PALLD: variants seen among roughly 807,000 people sequenced by gnomAD.
PALLD encodes palladin, cytoskeletal associated protein, also known as palladin.
PALLD carries 61 observed loss-of-function variants against 123.5 expected under a neutral mutation model. The ratio of observed to expected loss-of-function variants is 0.49; its 90% CI spans 0.40 to 0.61. PALLD has a LOEUF of 0.61. PALLD is among the 20% of genes least tolerant of loss of function. PALLD has a pLI of 0.00. For missense variants in PALLD, 1,273 were observed against 1,377.0 expected (o/e 0.92, Z 1.20); for synonymous variants, 465 against 496.4 (o/e 0.94, Z 0.84).
chr4:168,817,616 T>C (rs1263524954), intron 10 of PALLD, among the ~76,000 whole-genome samples: 1 of 152,224 alleles, frequency 6.6e-6, no homozygotes, highest in African/African-American at 2.4e-5. Context: ...TATGGATAAA[T>C]GCTGCTCTTA....
At chr4:168,599,169 G>A (rs1239778521) in intron 2 of PALLD, among the ~76,000 whole-genome samples, 1 of 152,190 alleles carries the variant, frequency 6.6e-6, no homozygotes, top group Non-Finnish European at 1.5e-5. Flanking sequence ...AGAGATGGTA[G>A]TCATAACCAA....
chr4:168,598,736 G>T, intron 2 of PALLD: 1 of 410,406 alleles, frequency 2.4e-6, no homozygotes, highest in South Asian at 1.9e-5. Context: ...ATCTGGACCT[G>T]AGCCTGAAGT....
At chr4:168,677,246 C>T (rs1362583012) in intron 3 of PALLD, among the ~76,000 whole-genome samples, 1 of 150,176 alleles carries the variant, frequency 6.7e-6, no homozygotes, top group Non-Finnish European at 1.5e-5. Flanking sequence ...TGGGAGAGGG[C>T]GGGAGAATCG....
intron 10 of PALLD, among the ~76,000 whole-genome samples, chr4:168,858,317 C>T (rs1326476249): frequency 6.6e-6 from 1 of 152,074 alleles, no homozygotes; most frequent in African/African-American, 2.4e-5. Context: ...ATATTTTTCC[C>T]GGCATCTTGT....
chr4:168,744,910 G>C (rs769211509), intron 10 of PALLD, among the ~76,000 whole-genome samples: 1 of 152,100 alleles, frequency 6.6e-6, no homozygotes, highest in East Asian at 1.9e-4. Context: ...TATGATGTTC[G>C]GTAGGTTAGG....
At chr4:168,665,142 C>G (rs1471686794) in intron 2 of PALLD, among the ~76,000 whole-genome samples, 1 of 152,180 alleles carries the variant, frequency 6.6e-6, no homozygotes, top group African/African-American at 2.4e-5. Context: ...AGGATACAAT[C>G]ATGTTTCTGA....
At chr4:168,880,975 G>A (rs1752530756) in intron 10 of PALLD, among the ~76,000 whole-genome samples, 1 of 151,994 alleles carries the variant, frequency 6.6e-6, no homozygotes, top group African/African-American at 2.4e-5. Context: ...TGGTGCAATT[G>A]CAGCTCACTG....
chr4:168,760,736 A>G (rs1230495250), intron 10 of PALLD, among the ~76,000 whole-genome samples: 1 of 152,234 alleles, frequency 6.6e-6, no homozygotes, highest in Non-Finnish European at 1.5e-5. Flanking sequence ...TTGAATGTCC[A>G]GCTAAGGGAA....
chr4:168,725,007 C>T (rs1786403381), intron 10 of PALLD, among the ~76,000 whole-genome samples: 2 of 152,330 alleles, frequency 1.3e-5, no homozygotes, highest in South Asian at 4.1e-4. Context: ...CTATGCTCTG[C>T]TCCATTTCAC....
chr4:168,875,167 A>ATACTATGGAAATACATACT (rs1751577055), intron 10 of PALLD, among the ~76,000 whole-genome samples: 4 of 152,184 alleles, frequency 2.6e-5, no homozygotes, highest in African/African-American at 7.2e-5. Context: ...TATTTCCAAA[A>ATACTATGGAAATACATACT]AGTTCAGTTT....
intron 2 of PALLD, among the ~76,000 whole-genome samples, chr4:168,564,136 A>G (rs1768129890): frequency 6.6e-6 from 1 of 152,218 alleles, no homozygotes. Context: ...TGACATTATC[A>G]TAGTTCATAG....
At chr4:168,872,277 T>A (rs2151086302) in intron 10 of PALLD, among the ~76,000 whole-genome samples, 1 of 152,338 alleles carries the variant, frequency 6.6e-6, no homozygotes, top group South Asian at 2.1e-4. Flanking sequence ...GCTCTTATTC[T>A]AAGTACAAAG....
intron 11 of PALLD, among the ~76,000 whole-genome samples, chr4:168,893,223 A>T (rs1050553251): frequency 1.3e-5 from 2 of 152,202 alleles, no homozygotes; most frequent in Admixed American, 1.3e-4. Flanking sequence ...TTTTTAAGAG[A>T]TCAGGTATTT....
intron 10 of PALLD, among the ~76,000 whole-genome samples, chr4:168,748,672 TG>T (rs563261416): frequency 7.2e-4 from 110 of 152,174 alleles, no homozygotes; most frequent in Non-Finnish European, 1.3e-3. Context: ...GAGGCTCAAC[TG>T]GGGAAGAATG....
rs141206653 is a variant in PALLD at position 168,602,710 on chromosome 4, A to C, written c.909-65480A>C. ...GTAAGGGACTGTTAGTATCCACAGA[A>C]CTGCAGAAAAACATGGTTCCTGGAG... On this transcript the variant is annotated intron_variant, in intron 2 of 21. Coordinates refer to ENST00000505667, the MANE Select transcript of PALLD (RefSeq NM_001166108.2). Among the ~76,000 whole-genome samples the C allele has an allele frequency of 3.3e-3, 499 of 152,336 alleles. 2 individuals are homozygous for C. The highest frequency in any genetic ancestry group is 0.011 in the African/African-American group (466 of 41,556).
intron 2 of PALLD, among the ~76,000 whole-genome samples, chr4:168,615,116 A>AT (rs1175709370): frequency 2.0e-5 from 3 of 151,756 alleles, no homozygotes; most frequent in African/African-American, 4.8e-5. Flanking sequence ...CTTGCAATGC[A>AT]TTTTTTGAGT....
At chr4:168,848,041 T>C (rs1747145540) in intron 10 of PALLD, among the ~76,000 whole-genome samples, 1 of 152,168 alleles carries the variant, frequency 6.6e-6, no homozygotes, top group African/African-American at 2.4e-5. Context: ...CCTAATCTAC[T>C]CATTTAACCT....
chr4:168,703,075 C>T (rs1272702117), intron 8 of PALLD, among the ~76,000 whole-genome samples: 1 of 123,678 alleles, frequency 8.1e-6, no homozygotes. Context: ...CACCCCACAA[C>T]AGTCCCCAGA....
At chr4:168,698,332 C>T (rs1157362612) in intron 8 of PALLD, among the ~76,000 whole-genome samples, 2 of 151,676 alleles carry the variant, frequency 1.3e-5, no homozygotes, top group East Asian at 4.0e-4. Flanking sequence ...ATTAATTGTA[C>T]ATTTTAAAAT....
Sources: allele counts gnomAD v4.1 joint callset (sites outside exome capture counted in the v4.1 genomes callset), GRCh38; gene constraint gnomAD v4.1.1; transcripts MANE v1.5; gene names NCBI Gene and HGNC (gene_info 2026-07-23, HGNC 2026-07-21).